REV1: variants seen among roughly 807,000 people sequenced by gnomAD.
REV1 encodes the protein REV1 DNA directed polymerase, also known as translesion synthesis protein REV1.
A neutral mutation model predicts 137.4 loss-of-function variants in REV1; 42 were observed. The ratio of observed to expected loss-of-function variants is 0.31; its 90% CI spans 0.24 to 0.40. The LOEUF (loss-of-function observed/expected upper bound fraction) is 0.40, where lower values mean the gene tolerates loss of function less well. REV1 is among the 10% of genes least tolerant of loss of function. The pLI, the probability that REV1 is intolerant of heterozygous loss-of-function variation, is 1.00. For synonymous variants in REV1, 524 were observed against 519.2 expected (o/e 1.01, Z -0.12); for missense variants, 1,282 against 1,490.1 (o/e 0.86, Z 2.30).
intron 8 of REV1, among the ~76,000 whole-genome samples, chr2:99,433,961 G>C (rs1050482021): frequency 2.0e-4 from 24 of 122,154 alleles, no homozygotes; most frequent in African/African-American, 6.9e-4. Context: ...AAGTTCTACT[G>C]TTTGTTATTC....
chr2:99,404,693 CAT>C lies in REV1; in HGVS notation c.2812-18_2812-17del, dbSNP rs750448494. 6.4e-6 allele frequency: 10 copies of C among 1,569,622 alleles called. No individual in the cohort carries two copies. The South Asian group carries it at 7.9e-5, about 12-fold the overall frequency. On this transcript the variant is annotated splice_polypyrimidine_tract_variant and intron_variant, in intron 17 of 22. Coordinates refer to ENST00000258428, the MANE Select transcript of REV1 (RefSeq NM_016316.4). The stretch of plus-strand genomic sequence containing the variant: ...ACTGATCCAGCTATAAAATGCCAAA[CAT>C]ATGAGTAGGAAGTTAAAGCATGCTC...
intron 14 of REV1, among the ~76,000 whole-genome samples, chr2:99,410,350 A>C (rs1427565255): frequency 1.3e-5 from 2 of 152,116 alleles, no homozygotes; most frequent in African/African-American, 2.4e-5. Flanking sequence ...AATTTTCCTC[A>C]GGAAAAAAGT....
intron 13 of REV1, among the ~76,000 whole-genome samples, chr2:99,412,094 G>A (rs900584098): frequency 2.6e-4 from 39 of 151,732 alleles, no homozygotes; most frequent in Admixed American, 3.9e-4. Flanking sequence ...TTAGCCGGGC[G>A]TGGTGGCGGG....
At chr2:99,478,077 C>T (rs985602803) in intron 1 of REV1, among the ~76,000 whole-genome samples, 1 of 152,148 alleles carries the variant, frequency 6.6e-6, no homozygotes, top group Non-Finnish European at 1.5e-5. Context: ...TATAAAAATA[C>T]AAAAATTAGC....
intron 3 of REV1, among the ~76,000 whole-genome samples, chr2:99,458,668 C>T (rs1683802156): frequency 6.6e-6 from 1 of 152,188 alleles, no homozygotes; most frequent in South Asian, 2.1e-4. Flanking sequence ...GGTTAACAAA[C>T]TGGTACATCC....
intron 1 of REV1, 97 bp from the exon 2 acceptor site, chr2:99,465,082 C>T (rs1684647351): frequency 9.4e-7 from 1 of 1,059,342 alleles, no homozygotes; most frequent in Admixed American, 2.2e-5. Flanking sequence ...AAATTAAATT[C>T]AAATGTCCAA....
At chr2:99,426,954 G>A (rs1255386819) in intron 9 of REV1, among the ~76,000 whole-genome samples, 7 of 152,162 alleles carry the variant, frequency 4.6e-5, no homozygotes, top group African/African-American at 1.7e-4. Context: ...GGAGGCCAAG[G>A]CGAGCGGGTC....
intron 14 of REV1, among the ~76,000 whole-genome samples, chr2:99,409,848 A>C (rs1215797687): frequency 1.1e-5 from 1 of 92,102 alleles, no homozygotes; most frequent in African/African-American, 4.2e-5. Context: ...GTCTCAAAAC[A>C]AACAACCCCC....
Position 99,452,984 on chromosome 2 carries a change from G to A in REV1, c.182-3480C>T, listed in dbSNP as rs184996344. On this transcript the variant is annotated intron_variant, in intron 3 of 22. Coordinates refer to ENST00000258428, the MANE Select transcript of REV1 (RefSeq NM_016316.4). ...TCAGTTTCCTCACATGTAAACTGGG[G>A]ATAATAATAGTGTCTCAAAGGACTT... Among the ~76,000 whole-genome samples, 448 of 152,308 alleles carry A rather than the reference G, an allele frequency of 2.9e-3. 3 individuals carry two copies. Among genetic ancestry groups the A allele is most frequent in the Non-Finnish European group, 4.1e-3 (280 of 68,022 alleles).
intron 1 of REV1, among the ~76,000 whole-genome samples, chr2:99,465,968 G>C (rs1684755739): frequency 6.6e-6 from 1 of 152,108 alleles, no homozygotes; most frequent in South Asian, 2.1e-4. Context: ...TTGAGACGGA[G>C]TCTCGCTCTG....
At chr2:99,470,429 T>C (rs1465223549) in intron 1 of REV1, among the ~76,000 whole-genome samples, 1 of 152,242 alleles carries the variant, frequency 6.6e-6, no homozygotes, top group Non-Finnish European at 1.5e-5. Flanking sequence ...AAATAGTAAC[T>C]TCTCTTAGAA....
intron 9 of REV1, among the ~76,000 whole-genome samples, chr2:99,427,952 G>A (rs578161825): frequency 6.6e-6 from 1 of 152,086 alleles, no homozygotes; most frequent in African/African-American, 2.4e-5. Flanking sequence ...ATTTACCGTG[G>A]GTAAATATAA....
intron 2 of REV1, among the ~76,000 whole-genome samples, chr2:99,463,349 G>A (rs891766613): frequency 2.7e-4 from 41 of 151,638 alleles, no homozygotes; most frequent in Non-Finnish European, 4.1e-4. Context: ...GTGAAACCTC[G>A]TCTCTACTAA....
chr2:99,474,455 C>G (rs1325642784), intron 1 of REV1, among the ~76,000 whole-genome samples: 1 of 152,292 alleles, frequency 6.6e-6, no homozygotes, highest in East Asian at 1.9e-4. Flanking sequence ...TCCTATTGAT[C>G]TGAAGTAACC....
chr2:99,455,270 T>G (rs1321686375), intron 3 of REV1, among the ~76,000 whole-genome samples: 2 of 152,202 alleles, frequency 1.3e-5, no homozygotes, highest in Non-Finnish European at 2.9e-5. Context: ...TTCACAATCT[T>G]ATGAATTAGA....
intron 1 of REV1, among the ~76,000 whole-genome samples, chr2:99,483,890 T>C (rs1183686722): frequency 6.6e-6 from 1 of 152,194 alleles, no homozygotes; most frequent in African/African-American, 2.4e-5. Context: ...TAAGATATAA[T>C]GGCATTGCCT....
chr2:99,421,712 A>G, intron 10 of REV1, 59 bp from the exon 11 acceptor site: 6 of 1,527,240 alleles, frequency 3.9e-6, no homozygotes, highest in Non-Finnish European at 5.3e-6. Flanking sequence ...GGTAGACCCA[A>G]TGTTGCAAAA....
intron 4 of REV1, among the ~76,000 whole-genome samples, chr2:99,444,651 A>T (rs942882431): frequency 6.6e-6 from 1 of 152,242 alleles, no homozygotes; most frequent in African/African-American, 2.4e-5. Flanking sequence ...CCAATGCACT[A>T]CAGTAATGTT....
chr2:99,405,429 C>T (rs1259870016), intron 17 of REV1: 2 of 153,036 alleles, frequency 1.3e-5, no homozygotes, highest in Non-Finnish European at 2.9e-5. Context: ...CACAAATAAA[C>T]TTGCCCAATA....
Sources: gnomAD v4.1 joint callset for allele counts (sites outside exome capture counted in the v4.1 genomes callset) on GRCh38, gnomAD v4.1.1 for gene constraint, MANE v1.5 for transcripts, NCBI Gene and HGNC (gene_info 2026-07-23, HGNC 2026-07-21) for gene names.